KHDRBS3: variants seen among roughly 807,000 people sequenced by gnomAD.
KHDRBS3 encodes KH RNA binding domain containing, signal transduction associated 3, also known as KH domain-containing, RNA-binding, signal transduction-associated protein 3.
Under a neutral mutation model 45.6 loss-of-function variants are expected in KHDRBS3, and 23 were observed. The observed-to-expected ratio is 0.50, with a 90% CI of 0.36 to 0.72. The LOEUF (loss-of-function observed/expected upper bound fraction) is 0.72. Among genes scored for constraint, KHDRBS3 ranks in the 30% least tolerant of loss-of-function variants. KHDRBS3 has a pLI of 0.00. For missense variants in KHDRBS3, 352 were observed against 424.8 expected, an observed-to-expected ratio of 0.83 and a Z score of 1.51; for synonymous variants, 162 against 156.5, an observed-to-expected ratio of 1.04 and a Z score of -0.26.
chr8:135,617,055 T>C (rs986940800), intron 7 of KHDRBS3, among the ~76,000 whole-genome samples: 39 of 152,026 alleles, frequency 2.6e-4, no homozygotes, highest in Non-Finnish European at 1.2e-4. Flanking sequence ...CTCTACGACG[T>C]TGACTAGGTT....
intron 1 of KHDRBS3, among the ~76,000 whole-genome samples, chr8:135,504,238 G>A (rs955266299): frequency 1.3e-5 from 2 of 152,190 alleles, no homozygotes; most frequent in African/African-American, 4.8e-5. Flanking sequence ...GTGTCAAAAA[G>A]CTAGACAGTT....
chr8:135,552,563 GAA>G (rs1826661443), intron 4 of KHDRBS3, among the ~76,000 whole-genome samples: 1 of 151,966 alleles, frequency 6.6e-6, no homozygotes, highest in Non-Finnish European at 1.5e-5. Context: ...ATTTTTTGTT[GAA>G]AAGTCTGTAT....
chr8:135,585,831 G>A (rs1231446025), intron 6 of KHDRBS3, among the ~76,000 whole-genome samples: 1 of 152,112 alleles, frequency 6.6e-6, no homozygotes, highest in Non-Finnish European at 1.5e-5. Flanking sequence ...GTAAATGTTC[G>A]TTGGACTGAA....
chr8:135,581,515 G>T (rs1352938654), intron 5 of KHDRBS3, among the ~76,000 whole-genome samples: 1 of 152,148 alleles, frequency 6.6e-6, no homozygotes, highest in East Asian at 1.9e-4. Context: ...CTTGTCCTGA[G>T]ATAAGCAAGA....
At chr8:135,618,892 G>A (rs1232446075) in intron 7 of KHDRBS3, among the ~76,000 whole-genome samples, 2 of 152,144 alleles carry the variant, frequency 1.3e-5, no homozygotes, top group African/African-American at 4.8e-5. Flanking sequence ...TGTTTTATGT[G>A]TCTGTCACTG....
At chr8:135,523,962 T>G (rs1409953813) in intron 2 of KHDRBS3, among the ~76,000 whole-genome samples, 1 of 152,230 alleles carries the variant, frequency 6.6e-6, no homozygotes, top group Non-Finnish European at 1.5e-5. Context: ...ATATATTATC[T>G]GTTTTATATA....
At chr8:135,610,034 C>T (rs1237211031) in intron 7 of KHDRBS3, among the ~76,000 whole-genome samples, 3 of 151,960 alleles carry the variant, frequency 2.0e-5, no homozygotes, top group Non-Finnish European at 4.4e-5. Flanking sequence ...CAAGATGTAA[C>T]TTTTTTTATG....
chr8:135,594,614 G>T (rs1828892460), intron 6 of KHDRBS3, among the ~76,000 whole-genome samples: 1 of 152,176 alleles, frequency 6.6e-6, no homozygotes, highest in South Asian at 2.1e-4. Context: ...TAATTCTTCA[G>T]TTTACCAATG....
chr8:135,468,623 G>A (rs112349042), intron 1 of KHDRBS3, among the ~76,000 whole-genome samples: 20 of 152,348 alleles, frequency 1.3e-4, no homozygotes, highest in Middle Eastern at 3.4e-3. Flanking sequence ...TTTATTTATA[G>A]AAACAGGCAG....
At chr8:135,524,102 A>G (rs1335492473) in intron 2 of KHDRBS3, among the ~76,000 whole-genome samples, 1 of 151,946 alleles carries the variant, frequency 6.6e-6, no homozygotes, top group Non-Finnish European at 1.5e-5. Flanking sequence ...TGCAACCTCC[A>G]TCTCCTGGAT....
At chr8:135,523,557 A>G (rs1012019353) in intron 2 of KHDRBS3, among the ~76,000 whole-genome samples, 36 of 152,180 alleles carry the variant, frequency 2.4e-4, no homozygotes, top group African/African-American at 8.4e-4. Context: ...TTGCTTAAAT[A>G]GTTTACTTCT....
intron 2 of KHDRBS3, among the ~76,000 whole-genome samples, chr8:135,535,059 C>G (rs921836404): frequency 5.3e-5 from 8 of 151,950 alleles, no homozygotes; most frequent in African/African-American, 1.9e-4. Context: ...TTTTTCAAGA[C>G]CATTCAATTT....
intron 7 of KHDRBS3, among the ~76,000 whole-genome samples, chr8:135,624,870 C>T (rs762105616): frequency 1.6e-4 from 25 of 152,158 alleles, no homozygotes; most frequent in Non-Finnish European, 3.2e-4. Flanking sequence ...GAGGTCGCCA[C>T]GTCAGCATAT....
chr8:135,529,842 C>G (rs1006768772), intron 2 of KHDRBS3, among the ~76,000 whole-genome samples: 9 of 151,796 alleles, frequency 5.9e-5, no homozygotes, highest in Non-Finnish European at 1.2e-4. Flanking sequence ...GGGCAGATCA[C>G]GAGGTCAGGA....
chr8:135,552,479 A>G (rs1165883396), intron 4 of KHDRBS3, among the ~76,000 whole-genome samples: 2 of 152,126 alleles, frequency 1.3e-5, no homozygotes, highest in Non-Finnish European at 2.9e-5. Context: ...GGCCCTCTCC[A>G]AGACAGCCTC....
At chr8:135,621,507 C>T (rs6983888) in intron 7 of KHDRBS3, among the ~76,000 whole-genome samples, 25,761 of 152,080 alleles carry the variant, frequency 0.17, 3,351 homozygotes, top group East Asian at 0.53. Flanking sequence ...AATATAAGTG[C>T]CTAACATACT....
intron 8 of KHDRBS3, among the ~76,000 whole-genome samples, chr8:135,645,819 A>G (rs1013142704): frequency 1.1e-4 from 16 of 152,198 alleles, no homozygotes; most frequent in Admixed American, 7.9e-4. Context: ...AGCTTCAATC[A>G]GTTGCAAAGC....
rs62525213 is a variant in KHDRBS3, at chr8:135,605,456, G to T, written c.808-1499G>T. On this transcript the variant is annotated intron_variant, in intron 6 of 8. Coordinates refer to ENST00000355849, the MANE Select transcript of KHDRBS3 (RefSeq NM_006558.3). ...TATTTTACTTTAGTTATTATACTTCGCAACTTAAGAATTTATTTTGGTTCT... is the reference window on the plus strand; with the variant it reads ...TATTTTACTTTAGTTATTATACTTCTCAACTTAAGAATTTATTTTGGTTCT... Among the ~76,000 whole-genome samples the T allele has an allele frequency of 2.5e-3, 384 of 151,788 alleles. 1 individual carries two copies. The highest frequency in any genetic ancestry group is 9.0e-3 in the African/African-American group (373 of 41,400).
intron 7 of KHDRBS3, among the ~76,000 whole-genome samples, chr8:135,621,109 G>T (rs928364492): frequency 7.3e-6 from 1 of 137,302 alleles, no homozygotes; most frequent in Non-Finnish European, 1.5e-5. Context: ...CTACGTGGAA[G>T]AATCACCTAT....
Sources: allele counts gnomAD v4.1 joint callset (sites outside exome capture counted in the v4.1 genomes callset), GRCh38; gene constraint gnomAD v4.1.1; transcripts MANE v1.5; gene names NCBI Gene and HGNC (gene_info 2026-07-23, HGNC 2026-07-21).